The following OR51A4 variants were observed in gnomAD, a reference collection of about 807,000 sequenced individuals.
OR51A4 encodes the protein olfactory receptor family 51 subfamily A member 4.
For missense variants in OR51A4, 243 were observed against 364.0 expected (o/e 0.67, Z 2.70); for synonymous variants, 96 against 141.5 (o/e 0.68, Z 2.28).
At position 4,947,284 on chromosome 11, in the gene OR51A4, A is replaced by G. The variant is rs1179630485; in HGVS notation, c.-62-122T>C. 3 of 464,334 alleles carry G rather than the reference A, an allele frequency of 6.5e-6. 1 individual carries two copies. The Admixed American group carries it at 1.3e-4, about 20-fold the overall frequency. The allele number at this position is 464,334 out of a possible 1,614,324, so 28.8% of individuals were successfully genotyped here. On this transcript the variant is annotated intron_variant, in intron 1 of 1. Transcript: ENST00000641898. ...GAGAGATGGTTGGTTGCTGCTTTGG[A>G]CTATAATCTGTCGTATAATACATTG...
Position 4,945,964 on chromosome 11 carries a change from C to G in OR51A4, c.*195G>C, listed in dbSNP as rs1229236370. On this transcript the variant is annotated 3_prime_UTR_variant, in exon 2 of 2. Transcript: ENST00000641898. ...AGACATTTATTTTTATTCTGCTTAA[C>G]TGAAATGGGGACATAAGGCAACGTA... is the stretch of plus-strand genomic sequence containing the variant. 2 of 598,904 alleles carry G rather than the reference C, an allele frequency of 3.3e-6. No homozygotes were observed. The highest frequency in any genetic ancestry group is 6.0e-6 in the Non-Finnish European group (2 of 335,876). 37.1% of individuals were successfully genotyped at this position (598,904 alleles called of 1,614,324 possible).
Position 4,944,503 on chromosome 11 carries a change from C to A in OR51A4, c.*1656G>T, listed in dbSNP as rs1846264905. ...AATGTTTGTATCTATAAAGATTTTCCATTAATTGTGAAGTACGGTCAGTTG... is the reference window on the plus strand; with the variant it reads ...AATGTTTGTATCTATAAAGATTTTCAATTAATTGTGAAGTACGGTCAGTTG... On this transcript the variant is annotated 3_prime_UTR_variant, in exon 2 of 2. Coordinates refer to ENST00000641898, the MANE Select transcript of OR51A4 (RefSeq NM_001005329.2). 1 of 154,140 alleles carries A rather than the reference C, an allele frequency of 6.5e-6. No homozygotes were observed. Among genetic ancestry groups the A allele is most frequent in the Non-Finnish European group, 1.4e-5 (1 of 69,592 alleles). The allele number at this position is 154,140 out of a possible 1,614,324, so 9.5% of individuals were successfully genotyped here. A position where few individuals can be genotyped will look rare whatever the true frequency, so the allele number is the denominator to read the frequency against.
Position 4,947,580 on chromosome 11 carries a change from A to C in OR51A4, c.-98T>G, listed in dbSNP as rs543170556. On this transcript the variant is annotated 5_prime_UTR_variant, in exon 1 of 2. Transcript: ENST00000641898. ...ATATGTTTGTAAGCACTTTTGATAAAAGCTAAATAATTCTGATATACAAAC... is the reference window on the plus strand; with the variant it reads ...ATATGTTTGTAAGCACTTTTGATAACAGCTAAATAATTCTGATATACAAAC... 4.1e-4 allele frequency: 53 copies of C among 128,616 alleles called. 10 individuals carry two copies. The highest frequency in any genetic ancestry group is 1.4e-3 in the African/African-American group (52 of 36,948). The allele number at this position is 128,616 out of a possible 1,614,324, so 8.0% of individuals were successfully genotyped here.
In OR51A4 at chr11:4,944,372, T is replaced by C. The variant is rs369031039; in HGVS notation, c.*1787A>G. 1 of 158,206 alleles carries C rather than the reference T, an allele frequency of 6.3e-6. No individual in the cohort carries two copies. The highest frequency in any genetic ancestry group is 1.4e-5 in the Non-Finnish European group (1 of 72,144). 9.8% of individuals were successfully genotyped at this position (158,206 alleles called of 1,614,324 possible). On this transcript the variant is annotated 3_prime_UTR_variant, in exon 2 of 2. Coordinates refer to ENST00000641898, the MANE Select transcript of OR51A4 (RefSeq NM_001005329.2). ...CCTCAATCTCTTCAACTAAAATAAA[T>C]AGGAAAAAACCTTTTATAAAAAGCT...
At position 4,946,448 on chromosome 11, in the gene OR51A4, G is replaced by C; in HGVS notation, c.653C>G (p.Ser218Cys). ...LMVDFILIAV[S>C]YTLILKTVLG... ...TACAGTCTTGAGGATCAGGGTGTAA[G>C]ACACAGCAATGAGAATAAAGTCTAC... The change falls in exon 2 of 2, where the codon TCT becomes TGT. Residue 218 changes from serine to cysteine, a missense_variant. By Grantham distance (112) the Ser-to-Cys change is moderately radical. Transcript: ENST00000641898. The C allele has an allele frequency of 2.0e-6, 3 of 1,484,654 alleles. No individual in the cohort carries two copies. The highest frequency in any genetic ancestry group is 9.2e-7 in the Non-Finnish European group (1 of 1,082,332). 92.0% of individuals were successfully genotyped at this position (1,484,654 alleles called of 1,614,324 possible).
Position 4,944,147 on chromosome 11 carries a change from C to CAA in OR51A4, c.*2010_*2011dup. The CAA allele has an allele frequency of 2.2e-6, 1 of 454,602 alleles. No individual in the cohort carries two copies. The highest frequency in any genetic ancestry group is 1.6e-5 in the South Asian group (1 of 64,102). 28.2% of individuals were successfully genotyped at this position (454,602 alleles called of 1,614,324 possible). On this transcript the variant is annotated 3_prime_UTR_variant, in exon 2 of 2. Transcript: ENST00000641898. ...GGTAGATAGATACAGTTATGCACCTCAAACATAGGAACAGTTCTTGCCCTG... is the reference window on the plus strand; with the variant it reads ...GGTAGATAGATACAGTTATGCACCTCAAAAACATAGGAACAGTTCTTGCCCTG...
Position 4,943,099 on chromosome 11 carries a change from T to C in OR51A4, c.*3060A>G, listed in dbSNP as rs1846239649. 6.1e-6 allele frequency: 1 copy of C among 163,432 alleles called. No homozygotes were observed. Among genetic ancestry groups the C allele is most frequent in the African/African-American group, 2.4e-5 (1 of 41,566 alleles). The allele number at this position is 163,432 out of a possible 1,614,324, so 10.1% of individuals were successfully genotyped here. A position where few individuals can be genotyped will look rare whatever the true frequency, so the allele number is the denominator to read the frequency against. ...TTGGACTAAATGATGCTCCCCTTCG[T>C]CCCTTATAATTTTGTAGTGTTCCAT... is the stretch of plus-strand genomic sequence containing the variant. On this transcript the variant is annotated 3_prime_UTR_variant, in exon 2 of 2. Transcript: ENST00000641898.
intron 1 of OR51A4, 144 bp from the exon 2 acceptor site, chr11:4,947,306 A>G (rs1286819253): frequency 5.2e-6 from 2 of 385,016 alleles, no homozygotes; most frequent in South Asian, 4.8e-5. Flanking sequence ...CGTATAATAC[A>G]TTGGAAAAAT....
Position 4,944,441 on chromosome 11 carries a change from T to G in OR51A4, c.*1718A>C, listed in dbSNP as rs1471204087. ...AATTTTTAAAATGCCTAAAAAGACC[T>G]GGAAGCATATCCTGCATAAATTAGA... is the stretch of plus-strand genomic sequence containing the variant. On this transcript the variant is annotated 3_prime_UTR_variant, in exon 2 of 2. Coordinates refer to ENST00000641898, the MANE Select transcript of OR51A4 (RefSeq NM_001005329.2). The G allele has an allele frequency of 2.5e-5, 4 of 161,046 alleles. No homozygotes were observed. Among genetic ancestry groups the G allele is most frequent in the African/African-American group, 9.6e-5 (4 of 41,494 alleles). The allele number at this position is 161,046 out of a possible 1,614,324, so 10.0% of individuals were successfully genotyped here.
In OR51A4 at chr11:4,943,511, A is replaced by C. The variant is rs757659049; in HGVS notation, c.*2648T>G. ...GTTTTTTTAATGCTTGGCACCACTGACATTTTGTGCTAGATAATTCTTTTG... is the reference window on the plus strand; with the variant it reads ...GTTTTTTTAATGCTTGGCACCACTGCCATTTTGTGCTAGATAATTCTTTTG... On this transcript the variant is annotated 3_prime_UTR_variant, in exon 2 of 2. Coordinates refer to ENST00000641898, the MANE Select transcript of OR51A4 (RefSeq NM_001005329.2). 2.6e-5 allele frequency: 12 copies of C among 455,982 alleles called. No individual in the cohort carries two copies. Among genetic ancestry groups the C allele is most frequent in the African/African-American group, 2.2e-4 (11 of 50,016 alleles). The allele number at this position is 455,982 out of a possible 1,614,324, so 28.2% of individuals were successfully genotyped here.
chr11:4,946,829 G>T lies in OR51A4; in HGVS notation c.272C>A (p.Ala91Asp). The T allele has an allele frequency of 1.3e-6, 2 of 1,587,684 alleles. No homozygotes were observed. Among genetic ancestry groups the T allele is most frequent in the Admixed American group, 3.4e-5 (2 of 59,204 alleles). Residue 91 changes from alanine to aspartate, a missense_variant, in exon 2 of 2, where the codon GCT becomes GAT. By Grantham distance (126) the Ala-to-Asp change is moderately radical. Transcript: ENST00000641898. Reference sequence around the variant, plus strand: ...GCAGGCATTGGATGAAATTTCAGGAGCATTGAACAGGAAGATGCTTAACAC... The same window carrying T: ...GCAGGCATTGGATGAAATTTCAGGATCATTGAACAGGAAGATGCTTAACAC... ...PTVLSIFLFN[A>D]PEISSNACFA...
rs1171184386 is a variant in OR51A4, at chr11:4,944,752, A to T, written c.*1407T>A. 1 of 152,158 alleles carries T rather than the reference A, an allele frequency of 6.6e-6. No individual in the cohort carries two copies. The highest frequency in any genetic ancestry group is 2.1e-4 in the South Asian group (1 of 4,834). The allele number at this position is 152,158 out of a possible 1,614,324, so 9.4% of individuals were successfully genotyped here. ...AATTTTTCAGCCACAAATCCAAGGCAATAAATTTGTCTTTAACATCATATC... is the reference window on the plus strand; with the variant it reads ...AATTTTTCAGCCACAAATCCAAGGCTATAAATTTGTCTTTAACATCATATC... On this transcript the variant is annotated 3_prime_UTR_variant, in exon 2 of 2. Transcript: ENST00000641898.
Position 4,947,147 on chromosome 11 carries a change from G to A in OR51A4, c.-47C>T. 6.6e-6 allele frequency: 7 copies of A among 1,055,310 alleles called. No homozygotes were observed. Among genetic ancestry groups the A allele is most frequent in the South Asian group, 3.6e-5 (2 of 56,026 alleles). The allele number at this position is 1,055,310 out of a possible 1,614,324, so 65.4% of individuals were successfully genotyped here. ...TATGAAAAATACAGATGCTTGTGTT[G>A]GTAAAATAGGAATATCTGTAAATTT... On this transcript the variant is annotated 5_prime_UTR_variant, in exon 2 of 2. Transcript: ENST00000641898.
Position 4,943,367 on chromosome 11 carries a change from T to C in OR51A4, c.*2792A>G. ...TTTTCTCAGTTTTTCACTGGTTTCC[T>C]TTCTGAGGAACTTCTCTGGTATCAG... On this transcript the variant is annotated 3_prime_UTR_variant, in exon 2 of 2. Coordinates refer to ENST00000641898, the MANE Select transcript of OR51A4 (RefSeq NM_001005329.2). The C allele has an allele frequency of 5.3e-6, 2 of 376,674 alleles. No homozygotes were observed. Among genetic ancestry groups the C allele is most frequent in the Non-Finnish European group, 1.1e-5 (2 of 189,594 alleles). 23.3% of individuals were successfully genotyped at this position (376,674 alleles called of 1,614,324 possible).
Position 4,944,090 on chromosome 11 carries a change from A to G in OR51A4, c.*2069T>C, listed in dbSNP as rs1846257873. 2.2e-6 allele frequency: 1 copy of G among 453,802 alleles called. No homozygotes were observed. The highest frequency in any genetic ancestry group is 1.6e-5 in the South Asian group (1 of 63,802). 28.1% of individuals were successfully genotyped at this position (453,802 alleles called of 1,614,324 possible). A position where few individuals can be genotyped will look rare whatever the true frequency, so the allele number is the denominator to read the frequency against. ...CTGCTTGGTTGTACTACAACCCCAA[A>G]CCCATATCTGTATTTGTAAGGTTTT... On this transcript the variant is annotated 3_prime_UTR_variant, in exon 2 of 2. Coordinates refer to ENST00000641898, the MANE Select transcript of OR51A4 (RefSeq NM_001005329.2).
rs1846268261 is a variant in OR51A4 at position 4,944,735 on chromosome 11, A to C, written c.*1424T>G. The stretch of plus-strand genomic sequence containing the variant: ...AGGAAGGAAAGTTGGACAATTTTTC[A>C]GCCACAAATCCAAGGCAATAAATTT... On this transcript the variant is annotated 3_prime_UTR_variant, in exon 2 of 2. Transcript: ENST00000641898. 2 of 152,156 alleles carry C rather than the reference A, an allele frequency of 1.3e-5. No homozygotes were observed. Among genetic ancestry groups the C allele is most frequent in the South Asian group, 4.1e-4 (2 of 4,836 alleles). 9.4% of individuals were successfully genotyped at this position (152,156 alleles called of 1,614,324 possible). A position where few individuals can be genotyped will look rare whatever the true frequency, so the allele number is the denominator to read the frequency against.
chr11:4,943,837 T>A lies in OR51A4; in HGVS notation c.*2322A>T, dbSNP rs771932266. On this transcript the variant is annotated 3_prime_UTR_variant, in exon 2 of 2. Coordinates refer to ENST00000641898, the MANE Select transcript of OR51A4 (RefSeq NM_001005329.2). ...GATTTATGTATCTTTATTTTATTTT[T>A]CATTTCATTTTATTAAGACTGTCAA... 20 of 446,800 alleles carry A rather than the reference T, an allele frequency of 4.5e-5. No homozygotes were observed. The allele number at this position is 446,800 out of a possible 1,614,324, so 27.7% of individuals were successfully genotyped here.
In OR51A4 at chr11:4,945,765, T is replaced by C. The variant is rs12794595; in HGVS notation, c.*394A>G. 3.9e-6 allele frequency: 1 copy of C among 258,816 alleles called. No homozygotes were observed. Among genetic ancestry groups the C allele is most frequent in the Non-Finnish European group, 7.4e-6 (1 of 134,796 alleles). The allele number at this position is 258,816 out of a possible 1,614,324, so 16.0% of individuals were successfully genotyped here. On this transcript the variant is annotated 3_prime_UTR_variant, in exon 2 of 2. Transcript: ENST00000641898. Reference sequence around the variant, plus strand: ...GATTAAATTAAAAAAATGGTTGTATTCTAAGATGATTAAAATGGATAAAGA... The same window carrying C: ...GATTAAATTAAAAAAATGGTTGTATCCTAAGATGATTAAAATGGATAAAGA...
Position 4,945,793 on chromosome 11 carries a change from C to G in OR51A4, c.*366G>C, listed in dbSNP as rs144615590. ...AAGATGATTAAAATGGATAAAGAGA[C>G]AGCTAATTTAGGTCTAGCATTAAAA... is the stretch of plus-strand genomic sequence containing the variant. On this transcript the variant is annotated 3_prime_UTR_variant, in exon 2 of 2. Transcript: ENST00000641898. 7 of 277,120 alleles carry G rather than the reference C, an allele frequency of 2.5e-5. 1 individual carries two copies. The East Asian group carries it at 5.0e-4, about 20-fold the overall frequency. The allele number at this position is 277,120 out of a possible 1,614,324, so 17.2% of individuals were successfully genotyped here. A position where few individuals can be genotyped will look rare whatever the true frequency, so the allele number is the denominator to read the frequency against.
Sources: allele counts gnomAD v4.1 joint callset, GRCh38; gene constraint gnomAD v4.1.1; transcripts MANE v1.5; gene names NCBI Gene and HGNC (gene_info 2026-07-23, HGNC 2026-07-21).